GABBR2: variants seen among roughly 807,000 people sequenced by gnomAD.
GABBR2 encodes G-protein coupled receptor 51.
Under a neutral mutation model 105.6 loss-of-function variants are expected in GABBR2, and 23 were observed. The ratio of observed to expected loss-of-function variants is 0.22; its 90% CI spans 0.16 to 0.31. GABBR2 has a LOEUF of 0.31. GABBR2 is among the 10% of genes least tolerant of loss of function. The pLI, the probability that GABBR2 is intolerant of heterozygous loss-of-function variation, is 1.00. For synonymous variants in GABBR2, 478 were observed against 499.7 expected (o/e 0.96, Z 0.58); for missense variants, 734 against 1,245.5 (o/e 0.59, Z 6.18).
chr9:98,362,742 T>A lies in GABBR2; in HGVS notation c.1866A>T (p.Arg622=). Reference sequence around the variant, plus strand: ...CCATGCTGTACTTCTCCACTGTCCTTCGCAGGGGGTCCACAGCCTGCCAGC... The same window carrying A: ...CCATGCTGTACTTCTCCACTGTCCTACGCAGGGGGTCCACAGCCTGCCAGC... ...LICWQAVDPL[R]RTVEKYSMEP... is the part of the protein sequence containing the mutation. Residue 622 remains arginine, a synonymous_variant, in exon 13 of 19, where the codon CGA becomes CGT. Coordinates refer to ENST00000259455, the MANE Select transcript of GABBR2 (RefSeq NM_005458.8). 6.2e-7 allele frequency: 1 copy of A among 1,601,814 alleles called. No homozygotes were observed. The highest frequency in any genetic ancestry group is 8.5e-7 in the Non-Finnish European group (1 of 1,174,952).
chr9:98,705,347 A>T (rs547185953), intron 1 of GABBR2, among the ~76,000 whole-genome samples: 29 of 152,340 alleles, frequency 1.9e-4, no homozygotes, highest in Non-Finnish European at 2.6e-4. Flanking sequence ...AAGAGAGTCA[A>T]TCTGGTTGTA....
At position 98,473,407 on chromosome 9, in the gene GABBR2, C is replaced by T. The variant is rs1826725114; in HGVS notation, c.799-61G>A. ...GTCGCACAGTTCAAGGCTCTGTGCCCTGGAAGACAGGTGGGGAGGAAGGCT... is the reference window on the plus strand; with the variant it reads ...GTCGCACAGTTCAAGGCTCTGTGCCTTGGAAGACAGGTGGGGAGGAAGGCT... On this transcript the variant is annotated intron_variant, in intron 5 of 18. Coordinates refer to ENST00000259455, the MANE Select transcript of GABBR2 (RefSeq NM_005458.8). 3.6e-6 allele frequency: 4 copies of T among 1,114,418 alleles called. No individual in the cohort carries two copies. In the Admixed American group the frequency reaches 7.3e-5, roughly 20 times the overall value. The allele number at this position is 1,114,418 out of a possible 1,614,324, so 69.0% of individuals were successfully genotyped here.
intron 11 of GABBR2, among the ~76,000 whole-genome samples, chr9:98,384,328 C>A (rs908318526): frequency 5.3e-5 from 8 of 152,154 alleles, no homozygotes; most frequent in African/African-American, 9.7e-5. Flanking sequence ...TAATACATAA[C>A]CCCCTTTAAA....
At chr9:98,323,501 ACTC>A (rs1321032061) in intron 13 of GABBR2, among the ~76,000 whole-genome samples, 14 of 151,896 alleles carry the variant, frequency 9.2e-5, no homozygotes, top group South Asian at 2.1e-4. Context: ...CCTGGGCCAG[ACTC>A]CTCTGGCCAA....
chr9:98,549,611 G>A (rs1002571198), intron 2 of GABBR2, among the ~76,000 whole-genome samples: 1 of 152,218 alleles, frequency 6.6e-6, no homozygotes, highest in South Asian at 2.1e-4. Flanking sequence ...CTGGGGGCTG[G>A]TGGATAAGAC....
chr9:98,326,914 A>G (rs535833624), intron 13 of GABBR2, among the ~76,000 whole-genome samples: 1 of 152,350 alleles, frequency 6.6e-6, no homozygotes, highest in African/African-American at 2.4e-5. Flanking sequence ...CAGAGCAGTA[A>G]AGCCTACTTG....
chr9:98,453,730 C>A (rs1185227091), intron 7 of GABBR2, among the ~76,000 whole-genome samples: 1 of 152,154 alleles, frequency 6.6e-6, no homozygotes, highest in Non-Finnish European at 1.5e-5. Flanking sequence ...GAAAGCCTAC[C>A]TTCAGCAAGT....
At chr9:98,600,142 G>A (rs999196879) in intron 1 of GABBR2, among the ~76,000 whole-genome samples, 17 of 152,146 alleles carry the variant, frequency 1.1e-4, no homozygotes, top group African/African-American at 4.1e-4. Context: ...AGGAAGGGCT[G>A]TGCAGCCCCC....
intron 7 of GABBR2, among the ~76,000 whole-genome samples, chr9:98,436,394 T>C (rs1260607385): frequency 3.8e-5 from 2 of 52,700 alleles, no homozygotes; most frequent in Admixed American, 5.0e-4. Flanking sequence ...TATATATATA[T>C]ATATATATAT....
At chr9:98,626,045 C>T (rs1462293436) in intron 1 of GABBR2, among the ~76,000 whole-genome samples, 1 of 152,174 alleles carries the variant, frequency 6.6e-6, no homozygotes, top group Non-Finnish European at 1.5e-5. Context: ...GGAGAGCTCC[C>T]TGACCGGGAG....
intron 11 of GABBR2, among the ~76,000 whole-genome samples, chr9:98,384,796 A>G (rs763285767): frequency 6.6e-6 from 1 of 152,056 alleles, no homozygotes; most frequent in Non-Finnish European, 1.5e-5. Context: ...GTGAAGAAAC[A>G]TTACTCTTTT....
chr9:98,334,887 T>A (rs1038894994), intron 13 of GABBR2, among the ~76,000 whole-genome samples: 6 of 152,230 alleles, frequency 3.9e-5, no homozygotes, highest in African/African-American at 9.6e-5. Context: ...CAGAAAAGAA[T>A]GAACATCCCA....
At chr9:98,315,795 T>C (rs1346237465) in intron 13 of GABBR2, among the ~76,000 whole-genome samples, 1 of 152,194 alleles carries the variant, frequency 6.6e-6, no homozygotes, top group East Asian at 1.9e-4. Flanking sequence ...TACCAACTAC[T>C]ATAGATCGGT....
At chr9:98,417,957 G>A (rs1452483370) in intron 7 of GABBR2, among the ~76,000 whole-genome samples, 1 of 152,124 alleles carries the variant, frequency 6.6e-6, no homozygotes, top group Admixed American at 6.5e-5. Context: ...GCTCTTTGGA[G>A]GAGTAGAAAG....
At chr9:98,634,174 C>A (rs1829850536) in intron 1 of GABBR2, among the ~76,000 whole-genome samples, 1 of 152,192 alleles carries the variant, frequency 6.6e-6, no homozygotes, top group Non-Finnish European at 1.5e-5. Context: ...GCTCACCTCC[C>A]AACTGCCTCC....
At chr9:98,343,439 G>A (rs915661615) in intron 13 of GABBR2, among the ~76,000 whole-genome samples, 7 of 152,336 alleles carry the variant, frequency 4.6e-5, no homozygotes, top group Non-Finnish European at 8.8e-5. Context: ...AGGTGGAGGT[G>A]TAAATGGTGG....
At chr9:98,685,079 C>T (rs1173228298) in intron 1 of GABBR2, among the ~76,000 whole-genome samples, 1 of 152,198 alleles carries the variant, frequency 6.6e-6, no homozygotes, top group Non-Finnish European at 1.5e-5. Context: ...TCTGGGTGGG[C>T]ACCATCTAAT....
At chr9:98,321,356 C>T (rs1260012218) in intron 13 of GABBR2, among the ~76,000 whole-genome samples, 1 of 152,182 alleles carries the variant, frequency 6.6e-6, no homozygotes, top group African/African-American at 2.4e-5. Context: ...CAACACTAGA[C>T]AAGAGCAGAC....
chr9:98,519,448 G>A (rs1204998274), intron 3 of GABBR2, among the ~76,000 whole-genome samples: 2 of 152,374 alleles, frequency 1.3e-5, no homozygotes, highest in African/African-American at 2.4e-5. Context: ...CGTGATAGAC[G>A]GGAAAGGCCG....
Sources: gnomAD v4.1 joint callset for allele counts (sites outside exome capture counted in the v4.1 genomes callset) on GRCh38, gnomAD v4.1.1 for gene constraint, MANE v1.5 for transcripts, NCBI Gene and HGNC (gene_info 2026-07-23, HGNC 2026-07-21) for gene names.